Variants in DLGAP2 observed in about 807,000 individuals in gnomAD.
DLGAP2 encodes the protein DLG associated protein 2.
Under a neutral mutation model 100.3 loss-of-function variants are expected in DLGAP2, and 26 were observed. The ratio of observed to expected loss-of-function variants is 0.26; its 90% CI spans 0.19 to 0.36. The LOEUF (loss-of-function observed/expected upper bound fraction) is 0.36, where lower values mean the gene tolerates loss of function less well. Ranked by LOEUF, DLGAP2 falls within the 10% of genes least tolerant of loss-of-function variation. DLGAP2 has a pLI of 1.00. For missense variants in DLGAP2, 1,858 were observed against 1,453.2 expected (o/e 1.28, Z -4.53); for synonymous variants, 886 against 630.1 (o/e 1.41, Z -6.08).
chr8:934,798 G>T (rs1467753834), intron 2 of DLGAP2, among the ~76,000 whole-genome samples: 20 of 152,178 alleles, frequency 1.3e-4, no homozygotes, highest in Admixed American at 1.3e-3. Context: ...TCAGTTCAAG[G>T]CTATTCTGTC....
intron 3 of DLGAP2, among the ~76,000 whole-genome samples, chr8:1,374,162 G>C (rs1009443433): frequency 3.3e-5 from 5 of 151,144 alleles, no homozygotes; most frequent in African/African-American, 9.8e-5. Context: ...TGGAGGTTAG[G>C]TTAGGTTTGC....
chr8:759,007 T>C (rs1343233123), intron 1 of DLGAP2, among the ~76,000 whole-genome samples: 10 of 143,114 alleles, frequency 7.0e-5, no homozygotes, highest in South Asian at 5.0e-4. Context: ...CCAACAGCCT[T>C]CCCATTATCA....
In DLGAP2 at chr8:1,668,364, C is replaced by A. The variant is rs753983734; in HGVS notation, c.1846C>A (p.Pro616Thr). The A allele has an allele frequency of 6.4e-7, 1 of 1,554,558 alleles. No homozygotes were observed. Among genetic ancestry groups the A allele is most frequent in the South Asian group, 1.2e-5 (1 of 81,822 alleles). ...TACAAATTACAAGAAAACGCCCCCA[C>A]CGGTGCCCCCTCGGACCACCTCCAA... Reference protein sequence around the residue: ...SYTNYKKTPPPVPPRTTSKPL... With the variant: ...SYTNYKKTPPTVPPRTTSKPL... Residue 616 changes from proline to threonine, a missense_variant, in exon 9 of 15, where the codon CCG (proline) becomes ACG (threonine). Transcript: ENST00000637795.
intron 3 of DLGAP2, among the ~76,000 whole-genome samples, chr8:1,417,192 C>G (rs1172267695): frequency 2.6e-5 from 2 of 78,336 alleles, no homozygotes; most frequent in African/African-American, 6.8e-5. Context: ...GTGTCTGAGG[C>G]GGGGGAGACT....
chr8:1,538,317 G>C (rs4295684), intron 4 of DLGAP2, among the ~76,000 whole-genome samples: 48,849 of 152,056 alleles, frequency 0.32, 9,081 homozygotes, highest in African/African-American at 0.52. Flanking sequence ...ACTCCCTTGA[G>C]CTCCAGGCTG....
chr8:1,383,505 G>A (rs1212938150), intron 3 of DLGAP2, among the ~76,000 whole-genome samples: 1 of 152,188 alleles, frequency 6.6e-6, no homozygotes, highest in African/African-American at 2.4e-5. Flanking sequence ...TTCGCTCAAG[G>A]AGGCAAATGG....
At chr8:1,021,035 A>G (rs1801609785) in intron 2 of DLGAP2, among the ~76,000 whole-genome samples, 1 of 152,208 alleles carries the variant, frequency 6.6e-6, no homozygotes, top group Non-Finnish European at 1.5e-5. Context: ...AAAGATTACC[A>G]TGCACGTGTC....
At chr8:1,341,664 G>C (rs1404549730) in intron 3 of DLGAP2, among the ~76,000 whole-genome samples, 2 of 152,130 alleles carry the variant, frequency 1.3e-5, no homozygotes, top group African/African-American at 4.8e-5. Context: ...TTGACCAGAG[G>C]GGCTCCTAGG....
intron 6 of DLGAP2, among the ~76,000 whole-genome samples, chr8:1,589,677 G>C (rs982445059): frequency 6.6e-6 from 1 of 152,178 alleles, no homozygotes; most frequent in African/African-American, 2.4e-5. Flanking sequence ...CAAACTCCTG[G>C]GCTCAAGCAA....
At chr8:1,068,629 C>G (rs960347826) in intron 2 of DLGAP2, among the ~76,000 whole-genome samples, 1 of 151,940 alleles carries the variant, frequency 6.6e-6, no homozygotes, top group African/African-American at 2.4e-5. Context: ...CGCACAGGAG[C>G]GGGGAGATGA....
chr8:1,433,541 TC>T (rs1313204458), intron 3 of DLGAP2, among the ~76,000 whole-genome samples: 1 of 152,222 alleles, frequency 6.6e-6, no homozygotes, highest in Non-Finnish European at 1.5e-5. Context: ...GAGTAGGTCC[TC>T]GAGCTGGATG....
intron 2 of DLGAP2, among the ~76,000 whole-genome samples, chr8:1,066,211 T>G (rs1280981119): frequency 2.3e-4 from 16 of 69,128 alleles, no homozygotes; most frequent in African/African-American, 8.4e-4. Context: ...AGGACAGTTC[T>G]CCACCATGGT....
intron 2 of DLGAP2, among the ~76,000 whole-genome samples, chr8:1,097,981 G>T (rs1410568748): frequency 6.6e-6 from 1 of 152,274 alleles, no homozygotes; most frequent in African/African-American, 2.4e-5. Context: ...CTGCTTAGAG[G>T]TTTGTATGAA....
chr8:768,369 C>T (rs1038397384), intron 1 of DLGAP2, among the ~76,000 whole-genome samples: 3 of 150,678 alleles, frequency 2.0e-5, no homozygotes, highest in East Asian at 3.9e-4. Flanking sequence ...TTAAGCTTTT[C>T]GCTGTGGGCT....
intron 3 of DLGAP2, among the ~76,000 whole-genome samples, chr8:1,364,579 C>G (rs1403962413): frequency 6.6e-6 from 1 of 152,242 alleles, no homozygotes; most frequent in Non-Finnish European, 1.5e-5. Flanking sequence ...ACTCCATTCC[C>G]TCATCTTCGC....
chr8:1,089,961 T>G (rs1385875365), intron 2 of DLGAP2, among the ~76,000 whole-genome samples: 1 of 152,162 alleles, frequency 6.6e-6, no homozygotes, highest in Non-Finnish European at 1.5e-5. Flanking sequence ...AGAAGTGACT[T>G]GGGGGGCTGT....
chr8:1,249,451 C>T (rs948658254), intron 2 of DLGAP2, among the ~76,000 whole-genome samples: 2 of 152,170 alleles, frequency 1.3e-5, no homozygotes, highest in Non-Finnish European at 2.9e-5. Context: ...TTTCTCTGCT[C>T]TTATCTATTT....
intron 3 of DLGAP2, among the ~76,000 whole-genome samples, chr8:1,323,661 G>T (rs1356477963): frequency 3.3e-5 from 5 of 152,228 alleles, no homozygotes; most frequent in Admixed American, 3.3e-4. Context: ...CCTCTTCTGG[G>T]CAGCTATCCT....
chr8:1,200,473 C>A (rs547588168), intron 2 of DLGAP2, among the ~76,000 whole-genome samples: 1 of 152,184 alleles, frequency 6.6e-6, no homozygotes, highest in Non-Finnish European at 1.5e-5. Context: ...TCCTCATAAA[C>A]CATCCATCTG....
Sources: gnomAD v4.1 joint callset for allele counts (sites outside exome capture counted in the v4.1 genomes callset) on GRCh38, gnomAD v4.1.1 for gene constraint, MANE v1.5 for transcripts, NCBI Gene and HGNC (gene_info 2026-07-23, HGNC 2026-07-21) for gene names.